The following RAD54B variants were observed in gnomAD, a reference collection of about 807,000 sequenced individuals.
RAD54B encodes RAD54 homolog B.
Under a neutral mutation model 95.8 loss-of-function variants are expected in RAD54B, and 78 were observed. The observed-to-expected ratio is 0.81, with a 90% CI of 0.68 to 0.98. RAD54B has a LOEUF of 0.98. Ranked by LOEUF, RAD54B falls within the 50% of genes least tolerant of loss-of-function variation. The pLI is 0.00. For synonymous variants in RAD54B, 328 were observed against 354.9 expected (o/e 0.92, Z 0.85); for missense variants, 957 against 1,056.6 (o/e 0.91, Z 1.31).
chr8:94,407,867 T>TA lies in RAD54B; in HGVS notation c.500-148dup, dbSNP rs34980964. 0.27 allele frequency: 146,448 copies of TA among 551,586 alleles called. 21,586 individuals carry two copies. The highest frequency in any genetic ancestry group is 0.4 in the East Asian group (12,680 of 31,786). 34.2% of individuals were successfully genotyped at this position (551,586 alleles called of 1,614,324 possible). Reference sequence around the variant, plus strand: ...TGGAAGCATAATTTAACATTTTGGTTAAAAAAAACATTGAAAATCAAAAGA... The same window carrying TA: ...TGGAAGCATAATTTAACATTTTGGTTAAAAAAAAACATTGAAAATCAAAAGA... On this transcript the variant is annotated intron_variant, in intron 4 of 14. Transcript: ENST00000336148.
intron 3 of RAD54B, chr8:94,428,819 A>G: frequency 1.0e-6 from 1 of 985,208 alleles, no homozygotes; most frequent in East Asian, 1.1e-4. Flanking sequence ...GTTAGTTGGT[A>G]AGTAGTCCCC....
At chr8:94,388,988 T>A (rs34874104) in intron 10 of RAD54B, among the ~76,000 whole-genome samples, 2,203 of 152,332 alleles carry the variant, frequency 0.014, 48 homozygotes, top group African/African-American at 0.049. Flanking sequence ...TATTGACCTA[T>A]GAGACCTGCC....
rs1813274145 is a variant in RAD54B at position 94,475,108 on chromosome 8, T to C, written c.-124A>G. ...AAGGATCCCGCCTCGGCGAAGCCAA[T>C]CGCGGACGAGCCCGCCGCGCGTGCG... is the stretch of plus-strand genomic sequence containing the variant. On this transcript the variant is annotated 5_prime_UTR_variant, in exon 1 of 15. Transcript: ENST00000336148. 6.5e-6 allele frequency: 1 copy of C among 152,682 alleles called. No homozygotes were observed. The highest frequency in any genetic ancestry group is 2.4e-5 in the African/African-American group (1 of 41,460). The allele number at this position is 152,682 out of a possible 1,614,324, so 9.5% of individuals were successfully genotyped here. A position where few individuals can be genotyped will look rare whatever the true frequency, so the allele number is the denominator to read the frequency against.
chr8:94,375,236 G>A (rs1447621807), intron 14 of RAD54B, among the ~76,000 whole-genome samples: 1 of 152,176 alleles, frequency 6.6e-6, no homozygotes, highest in Non-Finnish European at 1.5e-5. Context: ...ACACTTATGG[G>A]AAATAACCTA....
intron 3 of RAD54B, among the ~76,000 whole-genome samples, chr8:94,444,349 T>C (rs1812469047): frequency 6.7e-6 from 1 of 149,936 alleles, no homozygotes; most frequent in Non-Finnish European, 1.5e-5. Flanking sequence ...TCCTGAGAAA[T>C]ACATGCATAT....
chr8:94,409,811 T>C (rs956517521), intron 4 of RAD54B, among the ~76,000 whole-genome samples: 1 of 152,142 alleles, frequency 6.6e-6, no homozygotes, highest in South Asian at 2.1e-4. Context: ...ACCTTAGGGG[T>C]AAAAGATATT....
chr8:94,434,514 C>G (rs568547048), intron 3 of RAD54B, among the ~76,000 whole-genome samples: 30 of 151,828 alleles, frequency 2.0e-4, no homozygotes, highest in African/African-American at 7.2e-4. Context: ...CCTTACAAAA[C>G]AGGTATATAT....
chr8:94,395,362 G>A (rs1396782557), intron 8 of RAD54B, among the ~76,000 whole-genome samples: 3 of 152,124 alleles, frequency 2.0e-5, no homozygotes, highest in Non-Finnish European at 4.4e-5. Context: ...CTATAATTTA[G>A]CTTGAGCTAA....
chr8:94,473,762 G>A (rs1813226298), intron 1 of RAD54B, among the ~76,000 whole-genome samples: 2 of 152,164 alleles, frequency 1.3e-5, no homozygotes, highest in South Asian at 4.1e-4. Flanking sequence ...ACCAGCAACG[G>A]TCTCTCCCTG....
intron 3 of RAD54B, among the ~76,000 whole-genome samples, chr8:94,433,713 T>C (rs1160512021): frequency 6.6e-6 from 1 of 151,882 alleles, no homozygotes; most frequent in Non-Finnish European, 1.5e-5. Context: ...TTTTTTTTAA[T>C]TTATGCTTCT....
intron 3 of RAD54B, among the ~76,000 whole-genome samples, chr8:94,423,251 C>T (rs1184531007): frequency 2.6e-5 from 4 of 152,074 alleles, no homozygotes; most frequent in Non-Finnish European, 5.9e-5. Context: ...GGCATGGTGA[C>T]AGGCGCCTGT....
intron 10 of RAD54B, 59 bp downstream of exon 10, chr8:94,391,550 G>C: frequency 6.6e-7 from 1 of 1,512,698 alleles, no homozygotes; most frequent in Non-Finnish European, 8.9e-7. Context: ...TGCCCTCTTA[G>C]ATTCATATAC....
intron 3 of RAD54B, among the ~76,000 whole-genome samples, chr8:94,421,449 T>C (rs935698241): frequency 6.6e-6 from 1 of 152,212 alleles, no homozygotes; most frequent in Admixed American, 6.5e-5. Flanking sequence ...TTAAGTAGCC[T>C]GTCCACTTGA....
chr8:94,403,001 G>A (rs1019647716), intron 6 of RAD54B, among the ~76,000 whole-genome samples: 5 of 152,196 alleles, frequency 3.3e-5, no homozygotes, highest in Admixed American at 2.6e-4. Context: ...GACCAACTGA[G>A]ATAAGACCTT....
At chr8:94,397,020 G>A (rs1368553078) in intron 8 of RAD54B, among the ~76,000 whole-genome samples, 3 of 152,136 alleles carry the variant, frequency 2.0e-5, no homozygotes, top group African/African-American at 7.2e-5. Context: ...CTCGAGAACT[G>A]TGAGAAAATA....
intron 2 of RAD54B, among the ~76,000 whole-genome samples, chr8:94,467,054 G>A (rs995347303): frequency 1.3e-5 from 2 of 151,992 alleles, no homozygotes; most frequent in Admixed American, 6.6e-5. Context: ...TCAGCCTCCC[G>A]AGTAGCTGAT....
At chr8:94,393,453 A>T (rs916787961) in intron 9 of RAD54B, 7 of 282,580 alleles carry the variant, frequency 2.5e-5, no homozygotes, top group Non-Finnish European at 3.9e-5. Context: ...AACACACACC[A>T]ATAGAAAAGT....
At chr8:94,438,667 AAGAAATAC>A (rs1456663309) in intron 3 of RAD54B, among the ~76,000 whole-genome samples, 1 of 152,234 alleles carries the variant, frequency 6.6e-6, no homozygotes, top group African/African-American at 2.4e-5. Context: ...TTATTTTCAG[AAGAAATAC>A]AGGTATTATG....
chr8:94,392,628 ACT>A (rs1811048408), intron 9 of RAD54B, among the ~76,000 whole-genome samples: 1 of 142,232 alleles, frequency 7.0e-6, no homozygotes, highest in East Asian at 2.2e-4. Context: ...ACAGAGTCTC[ACT>A]CTGTCGCCCA....
Sources: allele counts gnomAD v4.1 joint callset (sites outside exome capture counted in the v4.1 genomes callset), GRCh38; gene constraint gnomAD v4.1.1; transcripts MANE v1.5; gene names NCBI Gene and HGNC (gene_info 2026-07-23, HGNC 2026-07-21).